The following BBX variants were observed in gnomAD, a reference collection of about 807,000 sequenced individuals.
BBX encodes HMG box transcription factor BBX.
BBX carries 30 observed loss-of-function variants against 100.2 expected under a neutral mutation model. The observed-to-expected ratio is 0.30, with a 90% CI of 0.22 to 0.41. BBX has a LOEUF of 0.41. Ranked by LOEUF, BBX falls within the 10% of genes least tolerant of loss-of-function variation. The pLI, the probability that BBX is intolerant of heterozygous loss-of-function variation, is 1.00. For missense variants in BBX, 1,023 were observed against 1,129.8 expected (o/e 0.91, Z 1.35); for synonymous variants, 376 against 388.1 (o/e 0.97, Z 0.37).
chr3:107,756,745 G>A (rs965764404), intron 10 of BBX, among the ~76,000 whole-genome samples: 2 of 152,168 alleles, frequency 1.3e-5, no homozygotes, highest in Non-Finnish European at 2.9e-5. Flanking sequence ...CGCTTCTTGT[G>A]TAAGACAAGT....
chr3:107,578,444 G>C (rs112494833), intron 2 of BBX, among the ~76,000 whole-genome samples: 1 of 152,346 alleles, frequency 6.6e-6, no homozygotes, highest in African/African-American at 2.4e-5. Context: ...AGCTTCATTT[G>C]TCAGTGGGTA....
chr3:107,571,652 C>T (rs1407433807), intron 2 of BBX, among the ~76,000 whole-genome samples: 5 of 152,156 alleles, frequency 3.3e-5, no homozygotes, highest in African/African-American at 9.7e-5. Context: ...AGAGTGAGGG[C>T]GAGGACAGGG....
chr3:107,600,860 T>G (rs2054012925), intron 2 of BBX, among the ~76,000 whole-genome samples: 1 of 152,130 alleles, frequency 6.6e-6, no homozygotes, highest in South Asian at 2.1e-4. Context: ...TGACTGTCCA[T>G]GTGTACCTTG....
In BBX at chr3:107,592,560, G is replaced by A. The variant is rs1179107229; in HGVS notation, c.-83-53276G>A. On this transcript the variant is annotated intron_variant, in intron 2 of 17. Transcript: ENST00000325805. ...GGGAAATGTGAAACATTTAAAAATAGATCTTTGCATAGAACCTAAAGTTTA... is the reference window on the plus strand; with the variant it reads ...GGGAAATGTGAAACATTTAAAAATAAATCTTTGCATAGAACCTAAAGTTTA... Among the ~76,000 whole-genome samples, 4 of 152,030 alleles carry A rather than the reference G, an allele frequency of 2.6e-5. No individual in the cohort carries two copies. The East Asian group carries it at 7.7e-4, about 29-fold the overall frequency.
rs1434485074 is a variant in BBX at position 107,653,526 on chromosome 3, A to G, written c.-10+7617A>G. Among the ~76,000 whole-genome samples, 6 of 152,312 alleles carry G rather than the reference A, an allele frequency of 3.9e-5. No individual in the cohort carries two copies. In the East Asian group the frequency reaches 9.6e-4, roughly 24 times the overall value. ...GATATTGCTATATTCAAATTGATCT[A>G]TGAAGCTGATAGACAAGAATATTGT... On this transcript the variant is annotated intron_variant, in intron 3 of 17. Coordinates refer to ENST00000325805, the MANE Select transcript of BBX (RefSeq NM_001142568.3).
chr3:107,588,071 C>G (rs575685), intron 2 of BBX, among the ~76,000 whole-genome samples: 49,578 of 152,022 alleles, frequency 0.33, 8,475 homozygotes, highest in Middle Eastern at 0.4. Flanking sequence ...TTCTGTTCTT[C>G]TTATTAGGGT....
intron 10 of BBX, among the ~76,000 whole-genome samples, chr3:107,767,533 G>A (rs1338921379): frequency 1.3e-5 from 2 of 152,180 alleles, no homozygotes; most frequent in East Asian, 1.9e-4. Flanking sequence ...GACAAGTTGT[G>A]TGAAATAGGA....
At chr3:107,533,000 G>C (rs2048267503) in intron 2 of BBX, among the ~76,000 whole-genome samples, 1 of 151,824 alleles carries the variant, frequency 6.6e-6, no homozygotes, top group South Asian at 2.1e-4. Context: ...CTTCAGAAGT[G>C]TGGTATCAAA....
chr3:107,675,711 G>A (rs749107708), intron 3 of BBX, among the ~76,000 whole-genome samples: 2 of 152,146 alleles, frequency 1.3e-5, no homozygotes, highest in African/African-American at 2.4e-5. Context: ...ATGATATAGC[G>A]GAAAGAGTTC....
intron 13 of BBX, among the ~76,000 whole-genome samples, chr3:107,781,551 A>G (rs1207262300): frequency 1.3e-5 from 2 of 152,134 alleles, no homozygotes; most frequent in African/African-American, 4.8e-5. Flanking sequence ...TTATATGTCT[A>G]AATTTAATTG....
rs552348355 is a variant in BBX, at chr3:107,739,624, G to A, written c.670-5006G>A. 4.6e-5 allele frequency among the ~76,000 whole-genome samples: 7 copies of A among 152,330 alleles called. No individual in the cohort carries two copies. In the South Asian group the frequency reaches 1.5e-3, roughly 32 times the overall value. On this transcript the variant is annotated intron_variant, in intron 7 of 17. Transcript: ENST00000325805. The stretch of plus-strand genomic sequence containing the variant: ...GCTCGTTGGGCTCTCAGAGATGAAG[G>A]CAAAGGTAGAGTGGAAGGTGGGCAG...
intron 2 of BBX, among the ~76,000 whole-genome samples, chr3:107,614,131 T>C (rs889854450): frequency 7.9e-5 from 12 of 152,122 alleles, no homozygotes; most frequent in Middle Eastern, 3.4e-3. Context: ...TTTGTATTTT[T>C]AGTTGAGACG....
intron 2 of BBX, among the ~76,000 whole-genome samples, chr3:107,613,672 G>A (rs62261980): frequency 0.11 from 16,550 of 151,716 alleles, 1,226 homozygotes; most frequent in Middle Eastern, 0.19. Context: ...ATCACATTGG[G>A]GAATAGATTC....
At chr3:107,602,776 T>C (rs1261247842) in intron 2 of BBX, among the ~76,000 whole-genome samples, 1 of 152,202 alleles carries the variant, frequency 6.6e-6, no homozygotes, top group East Asian at 1.9e-4. Flanking sequence ...CTTGAACCGA[T>C]GAGGAGGAGT....
intron 3 of BBX, among the ~76,000 whole-genome samples, chr3:107,709,832 G>T (rs374065099): frequency 6.6e-6 from 1 of 152,196 alleles, no homozygotes; most frequent in African/African-American, 2.4e-5. Flanking sequence ...GCTTCTAAAA[G>T]ATTTTTGTCA....
intron 4 of BBX, 142 bp from the exon 5 acceptor site, chr3:107,716,465 T>G: frequency 9.4e-7 from 1 of 1,058,912 alleles, no homozygotes; most frequent in African/African-American, 1.6e-5. Flanking sequence ...GGTTGTTGAT[T>G]TTTTAAAATT....
rs2057059867 is a variant in BBX at position 107,639,437 on chromosome 3, T to G, written c.-83-6399T>G. Among the ~76,000 whole-genome samples the G allele has an allele frequency of 2.0e-5, 3 of 152,216 alleles. No homozygotes were observed. In the South Asian group the frequency reaches 6.2e-4, roughly 32 times the overall value. On this transcript the variant is annotated intron_variant, in intron 2 of 17. Coordinates refer to ENST00000325805, the MANE Select transcript of BBX (RefSeq NM_001142568.3). Reference sequence around the variant, plus strand: ...TTATCTTCACTGTTTATTTTCCAGCTTAGTTCTCAGTGGCTTGATAGAGCT... The same window carrying G: ...TTATCTTCACTGTTTATTTTCCAGCGTAGTTCTCAGTGGCTTGATAGAGCT...
At chr3:107,763,310 C>T (rs534946552) in intron 10 of BBX, among the ~76,000 whole-genome samples, 12 of 151,714 alleles carry the variant, frequency 7.9e-5, no homozygotes, top group East Asian at 5.8e-4. Flanking sequence ...CTGCAAGCTC[C>T]GCCTCCCGGG....
chr3:107,654,498 T>C (rs184926438), intron 3 of BBX, among the ~76,000 whole-genome samples: 2 of 152,124 alleles, frequency 1.3e-5, no homozygotes, highest in Non-Finnish European at 1.5e-5. Context: ...ATTATGTGCC[T>C]CTGAAAAAAT....
Sources: gnomAD v4.1 joint callset for allele counts (sites outside exome capture counted in the v4.1 genomes callset) on GRCh38, gnomAD v4.1.1 for gene constraint, MANE v1.5 for transcripts, NCBI Gene and HGNC (gene_info 2026-07-23, HGNC 2026-07-21) for gene names.